The following GREB1 variants were observed in gnomAD, a reference collection of about 807,000 sequenced individuals.
GREB1 encodes the protein protein GREB1.
A neutral mutation model predicts 200.7 loss-of-function variants in GREB1; 106 were observed. The ratio of observed to expected loss-of-function variants is 0.53; its 90% CI spans 0.45 to 0.62. The LOEUF is 0.62. Ranked by LOEUF, GREB1 falls within the 20% of genes least tolerant of loss-of-function variation. GREB1 has a pLI of 0.00. For missense variants in GREB1, 2,243 were observed against 2,556.8 expected, an observed-to-expected ratio of 0.88 and a Z score of 2.65; for synonymous variants, 1,132 against 1,092.4, an observed-to-expected ratio of 1.04 and a Z score of -0.72.
chr2:11,558,997 A>G (rs1302580324), intron 2 of GREB1, among the ~76,000 whole-genome samples: 2 of 152,152 alleles, frequency 1.3e-5, no homozygotes, highest in African/African-American at 4.8e-5. Flanking sequence ...GATCAACAAA[A>G]CAGACACTGT....
chr2:11,498,006 T>TA (rs1465545154), intron 1 of GREB1, among the ~76,000 whole-genome samples: 1 of 127,838 alleles, frequency 7.8e-6, no homozygotes, highest in Non-Finnish European at 1.6e-5. Context: ...TTTTTTTTTT[T>TA]TTTTTTAAAG....
chr2:11,618,799 G>A lies in GREB1; in HGVS notation c.3924G>A (p.Gln1308=), dbSNP rs754738547. 1.2e-6 allele frequency: 2 copies of A among 1,610,180 alleles called. No individual in the cohort carries two copies. Among genetic ancestry groups the A allele is most frequent in the Non-Finnish European group, 1.7e-6 (2 of 1,179,864 alleles). ...LLSKTMTSTE[Q]SLYYRQWTVP... is the part of the protein sequence containing the mutation. ...GCAAGACCATGACATCCACCGAGCA[G>A]TCCCTCTACTACCGGCAGTGGACGG... Residue 1308 remains glutamine, a synonymous_variant, in exon 22 of 33, where the codon CAG becomes CAA. Coordinates refer to ENST00000381486, the MANE Select transcript of GREB1 (RefSeq NM_014668.4).
rs1054334395 is a variant in GREB1, at chr2:11,492,752, G to T, written c.-159+10371G>T. 4.6e-5 allele frequency among the ~76,000 whole-genome samples: 7 copies of T among 152,196 alleles called. No homozygotes were observed. Among genetic ancestry groups the T allele is most frequent in the African/African-American group, 1.7e-4 (7 of 41,454 alleles). On this transcript the variant is annotated intron_variant, in intron 1 of 2. Coordinates refer to the GREB1 transcript ENST00000628795. The surrounding 1 kb of genome is among the most constrained non-coding windows in gnomAD (Gnocchi z 4.0). Reference sequence around the variant, plus strand: ...AGCCCCCTTGAGACTCACACTGAAGGCCTCCTGGGGAGGGAACTGCAATGA... The same window carrying T: ...AGCCCCCTTGAGACTCACACTGAAGTCCTCCTGGGGAGGGAACTGCAATGA...
At chr2:11,639,477 A>G (rs13406323) in intron 32 of GREB1, among the ~76,000 whole-genome samples, 80,143 of 152,074 alleles carry the variant, frequency 0.53, 21,436 homozygotes, top group South Asian at 0.62. Flanking sequence ...CTTTCTCCTC[A>G]TCCTGGGAGG....
intron 20 of GREB1, 89 bp from the exon 21 acceptor site, chr2:11,616,542 T>G: frequency 1.2e-6 from 1 of 817,504 alleles, no homozygotes; most frequent in South Asian, 1.4e-5. Context: ...AGGTGATGCA[T>G]GGGAACACAC....
At chr2:11,568,125 G>A (rs1182661846) in intron 4 of GREB1, among the ~76,000 whole-genome samples, 1 of 152,210 alleles carries the variant, frequency 6.6e-6, no homozygotes, top group Admixed American at 6.5e-5. Flanking sequence ...AAACTTCTAA[G>A]TTGAAAACCC....
intron 14 of GREB1, 96 bp from the exon 15 acceptor site, chr2:11,598,584 A>T: frequency 2.8e-6 from 3 of 1,055,276 alleles, no homozygotes; most frequent in Non-Finnish European, 4.3e-6. Context: ...CTAGCTCAGG[A>T]CCTGCTGTGT....
chr2:11,573,435 A>C (rs1678516144), intron 4 of GREB1, among the ~76,000 whole-genome samples: 1 of 152,176 alleles, frequency 6.6e-6, no homozygotes, highest in African/African-American at 2.4e-5. Flanking sequence ...CATGCTTTCT[A>C]AGCCTATCAT....
chr2:11,515,879 T>C (rs892631441), intron 1 of GREB1, among the ~76,000 whole-genome samples: 9 of 152,244 alleles, frequency 5.9e-5, no homozygotes, highest in African/African-American at 9.6e-5. Flanking sequence ...TACTCCAGGC[T>C]TTGTGCTTAG....
Position 11,640,232 on chromosome 2 carries a change from G to A in GREB1, c.5687-59G>A. 5 of 1,530,956 alleles carry A rather than the reference G, an allele frequency of 3.3e-6. No individual in the cohort carries two copies. The highest frequency in any genetic ancestry group is 1.2e-5 in the South Asian group (1 of 82,380). The allele number at this position is 1,530,956 out of a possible 1,614,324, so 94.8% of individuals were successfully genotyped here. A position where few individuals can be genotyped will look rare whatever the true frequency, so the allele number is the denominator to read the frequency against. On this transcript the variant is annotated intron_variant, in intron 32 of 32. Coordinates refer to ENST00000381486, the MANE Select transcript of GREB1 (RefSeq NM_014668.4). The surrounding 1 kb of genome is among the most constrained non-coding windows in gnomAD (Gnocchi z 4.6). ...CATTGCAAGTAGAATCCGGGCAGCC[G>A]CTTTCCTCTGGATAAACTCACCTTT...
At position 11,618,572 on chromosome 2, in the gene GREB1, G is replaced by T. The variant is rs370300702; in HGVS notation, c.3697G>T (p.Val1233Leu). The change falls in exon 22 of 33, where the codon GTG (valine) becomes TTG (leucine). Residue 1233 changes from valine (V) to leucine (L), a missense_variant. Physicochemically the swap from Val to Leu is conservative, Grantham distance 32 (BLOSUM62 1). Transcript: ENST00000381486. ...SSSSGSSSSS[V>L]APAAGTWVLQ... ...CTCCTCGGGCTCATCCTCCTCATCC[G>T]TGGCGCCCGCTGCCGGCACGTGGGT... is the stretch of plus-strand genomic sequence containing the variant. The T allele has an allele frequency of 1.2e-6, 2 of 1,612,948 alleles. No homozygotes were observed. The highest frequency in any genetic ancestry group is 4.5e-5 in the East Asian group (2 of 44,852).
chr2:11,518,720 C>T (rs1673597317), intron 1 of GREB1, among the ~76,000 whole-genome samples: 1 of 138,678 alleles, frequency 7.2e-6, no homozygotes, highest in Non-Finnish European at 1.5e-5. Context: ...GTCTGTAGAG[C>T]AGTAGATAGG....
intron 7 of GREB1, chr2:11,581,361 C>T (rs894616668): frequency 4.0e-6 from 1 of 250,522 alleles, no homozygotes; most frequent in African/African-American, 2.2e-5. Flanking sequence ...ACCGGCTGTT[C>T]TCATCCAAAT....
rs1290626713 is a variant in GREB1, at chr2:11,496,936, G to T, written c.-159+14555G>T. Among the ~76,000 whole-genome samples the T allele has an allele frequency of 2.0e-5, 3 of 152,038 alleles. 1 individual carries two copies. Among genetic ancestry groups the T allele is most frequent in the Middle Eastern group, 3.2e-3 (1 of 316 alleles). On this transcript the variant is annotated intron_variant, in intron 1 of 2. Coordinates refer to the GREB1 transcript ENST00000628795. ...AGTAGCGTGATTATAGCTCACTGCA[G>T]CCTCGAACTGTCATGCCTGGCTAAT... is the stretch of plus-strand genomic sequence containing the variant.
intron 3 of GREB1, among the ~76,000 whole-genome samples, chr2:11,563,351 G>C (rs1677284154): frequency 6.6e-6 from 1 of 152,212 alleles, no homozygotes; most frequent in Non-Finnish European, 1.5e-5. Context: ...TGTACAGTCA[G>C]TAATGGTACA....
intron 1 of GREB1, among the ~76,000 whole-genome samples, chr2:11,489,048 A>T (rs1355639587): frequency 6.6e-6 from 1 of 152,176 alleles, no homozygotes; most frequent in African/African-American, 2.4e-5. Context: ...GGAGGTACTC[A>T]GTAAATACCT....
chr2:11,562,466 G>A lies in GREB1; in HGVS notation c.161G>A (p.Gly54Asp). 1 of 1,612,440 alleles carries A rather than the reference G, an allele frequency of 6.2e-7. No homozygotes were observed. The highest frequency in any genetic ancestry group is 1.1e-5 in the South Asian group (1 of 91,012). ...AEQQLAALEG[G>D]SRVDNEEEEE... is the part of the protein sequence containing the mutation. ...TCACTCTTCTTCCCGCATCTAGGTGGTAGCCGAGTGGACAATGAGGAAGAG... is the reference window on the plus strand; with the variant it reads ...TCACTCTTCTTCCCGCATCTAGGTGATAGCCGAGTGGACAATGAGGAAGAG... The change falls in exon 3 of 33, where the codon GGT becomes GAT. Residue 54 changes from glycine (G) to aspartate (D), a missense_variant. Around this residue, in one of 3 missense-constraint regions of GREB1, gnomAD observed 1,178 missense variants for 1,387.4 expected, o/e 0.85. Transcript: ENST00000381486.
chr2:11,540,632 C>T (rs887750263), intron 1 of GREB1: 6 of 154,492 alleles, frequency 3.9e-5, no homozygotes, highest in Non-Finnish European at 8.8e-5. Flanking sequence ...GTTGGAGAGA[C>T]AAACAAATTA....
chr2:11,533,993 A>AT (rs60781764), upstream of GREB1: 1 of 152,212 alleles, frequency 6.6e-6, no homozygotes, highest in Admixed American at 6.5e-5. Context: ...TCAATGACAC[A>AT]TTTTTTAAAA....
Sources: allele counts gnomAD v4.1 joint callset (sites outside exome capture counted in the v4.1 genomes callset), GRCh38; gene constraint gnomAD v4.1.1; regional missense constraint gnomAD v4.1.1; non-coding constraint Gnocchi (gnomAD v3.1); transcripts MANE v1.5; gene names NCBI Gene and HGNC (gene_info 2026-07-23, HGNC 2026-07-21).